ARSG: variants seen among roughly 807,000 people sequenced by gnomAD.
ARSG encodes the protein ASG.
A neutral mutation model predicts 50.5 loss-of-function variants in ARSG; 37 were observed. The ratio of observed to expected loss-of-function variants is 0.73; its 90% confidence interval spans 0.56 to 0.96. ARSG has a LOEUF of 0.96. ARSG is among the 50% of genes least tolerant of loss of function. The pLI is 0.00. For synonymous variants in ARSG, 225 were observed against 254.6 expected (o/e 0.88, Z 1.11); for missense variants, 629 against 675.3 (o/e 0.93, Z 0.76).
intron 11 of ARSG, among the ~76,000 whole-genome samples, chr17:68,407,514 T>C (rs2081783390): frequency 6.6e-6 from 1 of 152,212 alleles, no homozygotes; most frequent in South Asian, 2.1e-4. Flanking sequence ...TCCATTTGTT[T>C]GTGTCATCTA....
At chr17:68,332,076 C>T (rs1467192450) in intron 2 of ARSG, among the ~76,000 whole-genome samples, 1 of 152,198 alleles carries the variant, frequency 6.6e-6, no homozygotes, top group Non-Finnish European at 1.5e-5. Flanking sequence ...TGGGAATTTC[C>T]TCGTCCTAAT....
At chr17:68,401,197 A>AT in intron 10 of ARSG, 163 bp from the exon 11 acceptor site, 6 of 621,156 alleles carry the variant, frequency 9.7e-6, no homozygotes, top group South Asian at 7.5e-5. Flanking sequence ...TAACTTTTGT[A>AT]TTTTTTTGTA....
upstream of ARSG, among the ~76,000 whole-genome samples, chr17:68,289,560 G>A (rs1008046045): frequency 3.9e-5 from 6 of 152,174 alleles, no homozygotes; most frequent in Admixed American, 6.5e-5. Context: ...GGCGTAGCCC[G>A]GAGAACAGCT....
intron 1 of ARSG, among the ~76,000 whole-genome samples, chr17:68,283,507 T>C (rs1446881843): frequency 1.7e-4 from 20 of 116,006 alleles, no homozygotes; most frequent in Middle Eastern, 6.8e-3. Context: ...GGCGACAGAG[T>C]GAGACTCCGT....
intron 11 of ARSG, chr17:68,413,894 C>T (rs1401576152): frequency 6.6e-6 from 1 of 152,468 alleles, no homozygotes; most frequent in East Asian, 1.9e-4. Context: ...CCGTCTGTCA[C>T]CCCTTTCTTT....
At chr17:68,351,403 T>C (rs1031486277) in intron 4 of ARSG, among the ~76,000 whole-genome samples, 172 bp from the exon 5 acceptor site, 1 of 152,204 alleles carries the variant, frequency 6.6e-6, no homozygotes, top group Non-Finnish European at 1.5e-5. Context: ...CCCAGCAAAG[T>C]GATTTTCTAT....
chr17:68,427,408 G>A, downstream of ARSG: 1 of 543,968 alleles, frequency 1.8e-6, no homozygotes, highest in South Asian at 2.3e-5. Context: ...CCAGGCTGGA[G>A]TGCAGTGGCG....
At chr17:68,402,735 C>A (rs2081531906) in intron 11 of ARSG, among the ~76,000 whole-genome samples, 1 of 152,100 alleles carries the variant, frequency 6.6e-6, no homozygotes, top group African/African-American at 2.4e-5. Context: ...CCGTGTTAGC[C>A]AGGATGGTCT....
the ARSG span, chr17:68,450,697 C>A: frequency 1.3e-6 from 2 of 1,581,294 alleles, no homozygotes; most frequent in South Asian, 2.3e-5. Flanking sequence ...TTAGCAGAAG[C>A]TTTGAAACCC....
the ARSG span, chr17:68,430,015 TC>T: frequency 3.1e-6 from 5 of 1,614,066 alleles, no homozygotes; most frequent in Non-Finnish European, 4.2e-6. Flanking sequence ...GTACAGATGT[TC>T]CTCTGTCCGG....
chr17:68,288,006 T>TGG (rs1568420585), upstream of ARSG, among the ~76,000 whole-genome samples: 2 of 147,836 alleles, frequency 1.4e-5, no homozygotes, highest in Admixed American at 6.7e-5. Flanking sequence ...TTTTTTTTTT[T>TGG]GGGGGTTGGG....
At chr17:68,335,569 A>G (rs1158557528) in intron 2 of ARSG, among the ~76,000 whole-genome samples, 1 of 151,856 alleles carries the variant, frequency 6.6e-6, no homozygotes, top group Non-Finnish European at 1.5e-5. Flanking sequence ...AAAAAAAAAA[A>G]AGATATATGT....
At chr17:68,398,046 C>T (rs1438372510) in intron 10 of ARSG, among the ~76,000 whole-genome samples, 3 of 152,172 alleles carry the variant, frequency 2.0e-5, no homozygotes, top group Non-Finnish European at 2.9e-5. Flanking sequence ...GGATTACAGG[C>T]GTGAGCCACT....
At chr17:68,321,494 C>T (rs2077280536) in intron 2 of ARSG, among the ~76,000 whole-genome samples, 1 of 152,178 alleles carries the variant, frequency 6.6e-6, no homozygotes, top group Non-Finnish European at 1.5e-5. Flanking sequence ...ATTTTAAAAA[C>T]CTATTTTCAC....
chr17:68,445,190 G>GA, the ARSG span, among the ~76,000 whole-genome samples: 1 of 152,046 alleles, frequency 6.6e-6, no homozygotes, highest in Non-Finnish European at 1.5e-5. Context: ...AAAGTGCTGG[G>GA]ATGATAGGCC....
At chr17:68,434,572 G>A in the ARSG span, 6 of 1,613,948 alleles carry the variant, frequency 3.7e-6, 1 homozygote, top group East Asian at 2.2e-5. Flanking sequence ...ATCCCTCTCC[G>A]GAACTCATAG....
At chr17:68,299,100 CTTTTT>C (rs201821256) in intron 1 of ARSG, among the ~76,000 whole-genome samples, 2 of 105,548 alleles carry the variant, frequency 1.9e-5, no homozygotes, top group African/African-American at 4.1e-5. Flanking sequence ...AAAAATTGAA[CTTTTT>C]TTTTTTTTTT....
intron 8 of ARSG, among the ~76,000 whole-genome samples, chr17:68,377,020 C>T (rs1038493016): frequency 2.6e-5 from 4 of 152,166 alleles, no homozygotes; most frequent in African/African-American, 7.2e-5. Context: ...CCACCACACC[C>T]GCCACCATGT....
the ARSG span, chr17:68,436,590 A>T: frequency 1.0e-6 from 1 of 956,474 alleles, no homozygotes; most frequent in East Asian, 2.6e-5. Context: ...TGGCAAGGGG[A>T]GGAATGGCTT....
Sources: allele counts gnomAD v4.1 joint callset (sites outside exome capture counted in the v4.1 genomes callset), GRCh38; gene constraint gnomAD v4.1.1; transcripts MANE v1.5; gene names NCBI Gene and HGNC (gene_info 2026-07-23, HGNC 2026-07-21).